MTSS1: variants seen among roughly 807,000 people sequenced by gnomAD.
The protein encoded by MTSS1 is protein MTSS 1.
Under a neutral mutation model 79.0 loss-of-function variants are expected in MTSS1, and 18 were observed. The observed-to-expected ratio is 0.23, with a 90% CI of 0.16 to 0.34. MTSS1 has a LOEUF of 0.34. MTSS1 is among the 10% of genes least tolerant of loss of function. The pLI, the probability that MTSS1 is intolerant of heterozygous loss-of-function variation, is 1.00. For missense variants in MTSS1, 815 were observed against 986.2 expected, an observed-to-expected ratio of 0.83 and a Z score of 2.33; for synonymous variants, 341 against 368.6, an observed-to-expected ratio of 0.93 and a Z score of 0.86.
chr8:124,567,655 T>G, intron 7 of MTSS1: 1 of 1,391,946 alleles, frequency 7.2e-7, no homozygotes, highest in Non-Finnish European at 9.3e-7. Flanking sequence ...AGCAACTTAG[T>G]AAAAGACAAG....
chr8:124,592,961 G>A (rs13257822), intron 3 of MTSS1, among the ~76,000 whole-genome samples: 68 of 152,150 alleles, frequency 4.5e-4, no homozygotes, highest in African/African-American at 1.6e-3. Flanking sequence ...GTTGAAACCA[G>A]TGCTGTAAAA....
chr8:124,652,637 A>C (rs1408643813), intron 3 of MTSS1, among the ~76,000 whole-genome samples: 1 of 152,100 alleles, frequency 6.6e-6, no homozygotes, highest in Non-Finnish European at 1.5e-5. Flanking sequence ...TCTACTAAAA[A>C]TATAAAAATT....
rs1829879414 is a variant in MTSS1, at chr8:124,580,704, T to G, written c.460+4383A>C. ...AACAGTCCATGGCTCGCCACCAAAT[T>G]TTCTATTAGGGCTGATTAAACCCAC... On this transcript the variant is annotated intron_variant, in intron 6 of 13. Coordinates refer to ENST00000518547, the MANE Select transcript of MTSS1 (RefSeq NM_014751.6). 2.3e-5 allele frequency: 21 copies of G among 909,956 alleles called. No individual in the cohort carries two copies. The South Asian group carries it at 2.9e-4, about 13-fold the overall frequency. The allele number at this position is 909,956 out of a possible 1,614,324, so 56.4% of individuals were successfully genotyped here. A position where few individuals can be genotyped will look rare whatever the true frequency, so the allele number is the denominator to read the frequency against.
At position 124,721,331 on chromosome 8, in the gene MTSS1, A is replaced by G. The variant is rs192659868; in HGVS notation, c.72+6553T>C. Among the ~76,000 whole-genome samples, 27 of 152,076 alleles carry G rather than the reference A, an allele frequency of 1.8e-4. No homozygotes were observed. The East Asian group carries it at 4.8e-3, about 27-fold the overall frequency. On this transcript the variant is annotated intron_variant, in intron 1 of 13. Transcript: ENST00000518547. ...AAAATCACAACGGACAGAATCAATAAATCATGGCAAAGTATTCTAAAATCC... is the reference window on the plus strand; with the variant it reads ...AAAATCACAACGGACAGAATCAATAGATCATGGCAAAGTATTCTAAAATCC...
chr8:124,653,099 G>C (rs1820301979), intron 3 of MTSS1, among the ~76,000 whole-genome samples: 1 of 152,222 alleles, frequency 6.6e-6, no homozygotes, highest in Admixed American at 6.5e-5. Context: ...GGTTGGCCTG[G>C]AATGCCCGGA....
At chr8:124,581,180 G>A (rs988312840) in intron 6 of MTSS1, among the ~76,000 whole-genome samples, 2 of 151,726 alleles carry the variant, frequency 1.3e-5, no homozygotes, top group African/African-American at 4.8e-5. Flanking sequence ...CCTGCTGGGC[G>A]CAGTGGTGTG....
intron 3 of MTSS1, among the ~76,000 whole-genome samples, chr8:124,675,800 C>T (rs1294185861): frequency 1.3e-5 from 2 of 152,216 alleles, no homozygotes; most frequent in Non-Finnish European, 2.9e-5. Flanking sequence ...TGAGGTTCAT[C>T]CAAGTTGTAG....
chr8:124,706,413 T>C (rs1398782195), intron 1 of MTSS1, among the ~76,000 whole-genome samples: 1 of 152,140 alleles, frequency 6.6e-6, no homozygotes, highest in African/African-American at 2.4e-5. Context: ...AAATTAGAGG[T>C]TCTGGCAACA....
chr8:124,680,898 G>A (rs1471244001), intron 3 of MTSS1, among the ~76,000 whole-genome samples: 4 of 152,168 alleles, frequency 2.6e-5, no homozygotes, highest in Admixed American at 2.6e-4. Context: ...ACTCCTAGGG[G>A]AGGATGGTTC....
intron 2 of MTSS1, among the ~76,000 whole-genome samples, chr8:124,701,620 A>G (rs960801775): frequency 3.3e-5 from 5 of 152,220 alleles, no homozygotes; most frequent in African/African-American, 1.2e-4. Context: ...CATCCAACTC[A>G]ATGCCAATCA....
chr8:124,581,431 T>C (rs10505446), intron 6 of MTSS1, among the ~76,000 whole-genome samples: 19,504 of 151,712 alleles, frequency 0.13, 1,382 homozygotes, highest in African/African-American at 0.16. Flanking sequence ...TAGTTACAGA[T>C]GGAAACAGAA....
chr8:124,692,296 T>C (rs1006658261), intron 3 of MTSS1, among the ~76,000 whole-genome samples: 26 of 152,036 alleles, frequency 1.7e-4, no homozygotes, highest in African/African-American at 6.0e-4. Flanking sequence ...TCTCAAATGA[T>C]TCGAACTTTA....
At position 124,553,200 on chromosome 8, in the gene MTSS1, C is replaced by A. The variant is rs888783548; in HGVS notation, c.2060G>T (p.Arg687Ile). 3.1e-6 allele frequency: 5 copies of A among 1,614,002 alleles called. No individual in the cohort carries two copies. The Admixed American group carries it at 5.0e-5, about 16-fold the overall frequency. ...AGCTTCACTTTCTGGAATTGCCTGT[C>A]TGTGCTCCTCAGGGATACTGGGCTT... ...GPKPSIPEEHRQAIPESEAED... is the reference protein window; with the variant it reads ...GPKPSIPEEHIQAIPESEAED... Residue 687 changes from arginine (R) to isoleucine (I), a missense_variant, in exon 14 of 14, where the codon AGA (arginine) becomes ATA (isoleucine). Arg to Ile is a moderately conservative substitution (Grantham distance 97, BLOSUM62 -3). This residue lies in a region of MTSS1 where 590 missense variants were observed against 620.8 expected (regional missense o/e 0.95). Transcript: ENST00000518547. The surrounding 1 kb of genome is among the most constrained non-coding windows in gnomAD (Gnocchi z 6.0).
chr8:124,679,859 G>A (rs1825857729), intron 3 of MTSS1, among the ~76,000 whole-genome samples: 1 of 152,166 alleles, frequency 6.6e-6, no homozygotes, highest in African/African-American at 2.4e-5. Context: ...AAATTCATAC[G>A]ATGCATTGTA....
intron 3 of MTSS1, among the ~76,000 whole-genome samples, chr8:124,594,191 G>T (rs1482866066): frequency 1.3e-5 from 2 of 152,150 alleles, no homozygotes. Context: ...CCCATAGATT[G>T]CCACTGGTCA....
chr8:124,558,811 A>C, intron 10 of MTSS1: 1 of 1,568,182 alleles, frequency 6.4e-7, no homozygotes, highest in African/African-American at 1.3e-5. Context: ...GAGGCTTCGG[A>C]GGAGGCCGAG....
intron 6 of MTSS1, among the ~76,000 whole-genome samples, chr8:124,581,406 C>G (rs1451431138): frequency 6.6e-6 from 1 of 151,838 alleles, no homozygotes; most frequent in African/African-American, 2.4e-5. Flanking sequence ...TTAAAAATCC[C>G]TTATAAACTT....
chr8:124,708,576 C>T (rs1050110960), intron 1 of MTSS1, among the ~76,000 whole-genome samples: 2 of 152,150 alleles, frequency 1.3e-5, no homozygotes, highest in African/African-American at 4.8e-5. Context: ...AAGCAAATGG[C>T]AGGGTGGAGT....
intron 3 of MTSS1, among the ~76,000 whole-genome samples, chr8:124,615,954 G>A (rs113524375): frequency 8.8e-4 from 134 of 152,218 alleles, no homozygotes; most frequent in African/African-American, 2.8e-3. Context: ...TATGGCAGCC[G>A]GGCCCCATGG....
Sources: allele counts gnomAD v4.1 joint callset (sites outside exome capture counted in the v4.1 genomes callset), GRCh38; gene constraint gnomAD v4.1.1; regional missense constraint gnomAD v4.1.1; non-coding constraint Gnocchi (gnomAD v3.1); transcripts MANE v1.5; gene names NCBI Gene and HGNC (gene_info 2026-07-23, HGNC 2026-07-21).